IL1RAPL2: variants seen among roughly 807,000 people sequenced by gnomAD.
IL1RAPL2 encodes the protein interleukin 1 receptor accessory protein like 2, also known as X-linked interleukin-1 receptor accessory protein-like 2.
A neutral mutation model predicts 44.1 loss-of-function variants in IL1RAPL2; 3 were observed. That is an observed-to-expected ratio of 0.07 (90% CI 0.03 to 0.18). IL1RAPL2 has a LOEUF of 0.18. Among genes scored for constraint, IL1RAPL2 ranks in the 10% least tolerant of loss-of-function variants. The probability of loss-of-function intolerance (pLI) is 1.00; values close to 1 mark genes in which losing one functional copy is unlikely to be tolerated. For missense variants in IL1RAPL2, 391 were observed against 496.4 expected, an observed-to-expected ratio of 0.79 and a Z score of 2.02; for synonymous variants, 181 against 178.8, an observed-to-expected ratio of 1.01 and a Z score of -0.10.
intron 6 of IL1RAPL2, among the ~76,000 whole-genome samples, chrX:105,564,617 G>C (rs965458379): frequency 9.0e-6 from 1 of 111,592 alleles, no homozygotes; most frequent in African/African-American, 3.3e-5. Context: ...TAATAGTATA[G>C]TAGTAACACT....
At chrX:105,073,527 C>A (rs1023241200) in intron 2 of IL1RAPL2, among the ~76,000 whole-genome samples, 9 of 110,839 alleles carry the variant, frequency 8.1e-5, no homozygotes, top group Non-Finnish European at 1.7e-4. Context: ...GTCTTTATAG[C>A]AGCATGATTT....
At chrX:104,938,611 T>G (rs1197576474) in intron 2 of IL1RAPL2, among the ~76,000 whole-genome samples, 1 of 110,913 alleles carries the variant, frequency 9.0e-6, no homozygotes, top group Non-Finnish European at 1.9e-5. Context: ...CTTTCCCTTT[T>G]GTTTTCTGCT....
intron 6 of IL1RAPL2, among the ~76,000 whole-genome samples, chrX:105,625,717 G>A (rs2037448347): frequency 9.1e-6 from 1 of 110,335 alleles, no homozygotes; most frequent in South Asian, 3.9e-4. Flanking sequence ...AGTTGAGAGT[G>A]AAAAGACCCC....
intron 6 of IL1RAPL2, among the ~76,000 whole-genome samples, chrX:105,499,410 G>C (rs1428961148): frequency 9.0e-6 from 1 of 110,649 alleles, no homozygotes; most frequent in Non-Finnish European, 1.9e-5. Context: ...AAACTGAAAC[G>C]CTTCTATGCA....
Position 104,736,425 on chromosome X carries a change from C to A in IL1RAPL2, c.82+77430C>A, listed in dbSNP as rs184434292. ...CCAAATTATGTTTCACTGTTTTAAA[C>A]ATCACAAACTGATCACTTTTATTGT... On this transcript the variant is annotated intron_variant, in intron 2 of 10. Transcript: ENST00000372582. Among the ~76,000 whole-genome samples, 114 of 111,924 alleles carry A rather than the reference C, an allele frequency of 1.0e-3. 1 individual carries two copies. The highest frequency in any genetic ancestry group is 8.8e-3 in the Admixed American group (93 of 10,527).
At chrX:104,848,422 TA>T (rs1922122309) in intron 2 of IL1RAPL2, among the ~76,000 whole-genome samples, 3 of 37,289 alleles carry the variant, frequency 8.0e-5, no homozygotes, top group Admixed American at 2.7e-4. Flanking sequence ...TATATATATA[TA>T]TATATATATA....
intron 6 of IL1RAPL2, among the ~76,000 whole-genome samples, chrX:105,715,132 C>T (rs2038246114): frequency 1.8e-5 from 2 of 111,790 alleles, no homozygotes; most frequent in African/African-American, 6.5e-5. Flanking sequence ...TGTGGATTAT[C>T]TTAAGGAAGA....
chrX:105,638,239 A>T (rs2037538926), intron 6 of IL1RAPL2, among the ~76,000 whole-genome samples: 1 of 111,928 alleles, frequency 8.9e-6, no homozygotes, highest in African/African-American at 3.2e-5. Context: ...GACATTATGG[A>T]ACATTTTTAA....
chrX:105,161,205 G>A (rs1476974641), intron 2 of IL1RAPL2, among the ~76,000 whole-genome samples: 1 of 95,808 alleles, frequency 1.0e-5, no homozygotes, highest in Non-Finnish European at 2.1e-5. Flanking sequence ...GCAACAGAAT[G>A]AGACCCTGTC....
At chrX:105,135,395 G>A (rs1222670450) in intron 2 of IL1RAPL2, among the ~76,000 whole-genome samples, 1 of 111,615 alleles carries the variant, frequency 9.0e-6, no homozygotes, top group African/African-American at 3.3e-5. Context: ...TGTTTATCTA[G>A]ATTAAAATAA....
intron 2 of IL1RAPL2, among the ~76,000 whole-genome samples, chrX:104,980,276 G>C (rs1252312395): frequency 8.9e-6 from 1 of 111,847 alleles, no homozygotes. Context: ...ATATATGCAT[G>C]TATGCATATA....
chrX:105,099,641 T>C (rs1333647039), intron 2 of IL1RAPL2, among the ~76,000 whole-genome samples: 1 of 107,051 alleles, frequency 9.3e-6, no homozygotes, highest in African/African-American at 3.4e-5. Context: ...TTTTTTTTTG[T>C]ATTTTTAGTA....
At chrX:105,068,888 C>T (rs1156702429) in intron 2 of IL1RAPL2, among the ~76,000 whole-genome samples, 1 of 111,692 alleles carries the variant, frequency 9.0e-6, no homozygotes, top group Non-Finnish European at 1.9e-5. Flanking sequence ...GCTATTGAAG[C>T]TGTATATGGT....
At chrX:105,229,604 C>A (rs1755612306) in intron 3 of IL1RAPL2, among the ~76,000 whole-genome samples, 1 of 111,750 alleles carries the variant, frequency 8.9e-6, no homozygotes, top group Non-Finnish European at 1.9e-5. Context: ...GGGTGGCTTC[C>A]TTGCCTTTAA....
chrX:105,412,206 GAAGT>G (rs1002691977), intron 5 of IL1RAPL2, among the ~76,000 whole-genome samples: 1 of 109,537 alleles, frequency 9.1e-6, no homozygotes, highest in Admixed American at 9.8e-5. Flanking sequence ...CAAAAAAGAA[GAAGT>G]ATCTGACTCC....
intron 5 of IL1RAPL2, among the ~76,000 whole-genome samples, chrX:105,415,021 G>A (rs2035722786): frequency 8.9e-6 from 1 of 112,031 alleles, no homozygotes; most frequent in South Asian, 3.7e-4. Context: ...TAAGGGGGAG[G>A]AAGAAGGTAA....
At position 104,978,461 on chromosome X, in the gene IL1RAPL2, G is replaced by A. The variant is rs142903508; in HGVS notation, c.83-217014G>A. On this transcript the variant is annotated intron_variant, in intron 2 of 10. Coordinates refer to ENST00000372582, the MANE Select transcript of IL1RAPL2 (RefSeq NM_017416.2). ...ACTATGTCTCTGACACTCTACACTC[G>A]CTTTTCCTCCTGAACCTCTGTTTAA... Among the ~76,000 whole-genome samples the A allele has an allele frequency of 5.3e-3, 591 of 111,788 alleles. 8 individuals are homozygous for A. Among genetic ancestry groups the A allele is most frequent in the East Asian group, 0.032 (113 of 3,525 alleles).
chrX:105,698,997 A>C (rs1489908990), intron 6 of IL1RAPL2, among the ~76,000 whole-genome samples: 1 of 111,896 alleles, frequency 8.9e-6, no homozygotes, highest in African/African-American at 3.2e-5. Flanking sequence ...TATGCAATAC[A>C]AGTATAAGTT....
intron 3 of IL1RAPL2, chrX:105,219,525 G>C: frequency 1.7e-6 from 2 of 1,209,140 alleles, no homozygotes; most frequent in Non-Finnish European, 1.1e-6. Flanking sequence ...GGGGGAACTG[G>C]GTCTCCATGG....
Sources: gnomAD v4.1 joint callset for allele counts (sites outside exome capture counted in the v4.1 genomes callset) on GRCh38, gnomAD v4.1.1 for gene constraint, MANE v1.5 for transcripts, NCBI Gene and HGNC (gene_info 2026-07-23, HGNC 2026-07-21) for gene names.